The following TSPAN18 variants were observed in gnomAD, a reference collection of about 807,000 sequenced individuals.
The protein encoded by TSPAN18 is tetraspanin-18.
In TSPAN18, 14 loss-of-function variants were observed where a neutral mutation model predicts 27.3. The ratio of observed to expected loss-of-function variants is 0.51; its 90% CI spans 0.34 to 0.80. The LOEUF is 0.80. Ranked by LOEUF, TSPAN18 falls within the 30% of genes least tolerant of loss-of-function variation. The pLI is 0.01. For synonymous variants in TSPAN18, 143 were observed against 136.5 expected (o/e 1.05, Z -0.33); for missense variants, 268 against 323.9 (o/e 0.83, Z 1.32).
intron 3 of TSPAN18, among the ~76,000 whole-genome samples, chr11:44,893,270 C>A (rs1262338119): frequency 6.6e-6 from 1 of 152,188 alleles, no homozygotes; most frequent in Non-Finnish European, 1.5e-5. Flanking sequence ...TTCACAGCTC[C>A]ATGAGCCGGC....
upstream of TSPAN18, chr11:44,726,910 A>AGGGGGAGGGAGGGCGGGGGC (rs1294765719): frequency 3.2e-4 from 5 of 15,840 alleles, no homozygotes; most frequent in South Asian, 1.9e-3. Context: ...AGGGCGGGGG[A>AGGGGGAGGGAGGGCGGGGGC]GGGGAGGGAC....
intron 2 of TSPAN18, among the ~76,000 whole-genome samples, chr11:44,853,313 G>A (rs1360839279): frequency 6.6e-6 from 1 of 152,132 alleles, no homozygotes; most frequent in Admixed American, 6.5e-5. Flanking sequence ...GGAGAAGGGA[G>A]GGGCCTCATT....
intron 2 of TSPAN18, among the ~76,000 whole-genome samples, chr11:44,854,194 A>AGGG (rs1565178290): frequency 3.7e-3 from 8 of 2,152 alleles, no homozygotes; most frequent in African/African-American, 7.4e-3. Flanking sequence ...TCATTGGGGC[A>AGGG]GGGGGTGGGG....
intron 1 of TSPAN18, among the ~76,000 whole-genome samples, chr11:44,748,789 G>A (rs193020812): frequency 6.6e-6 from 1 of 152,258 alleles, no homozygotes; most frequent in East Asian, 1.9e-4. Context: ...GAGGGGCGGC[G>A]GAAATCAAGA....
At chr11:44,870,752 C>T (rs1184991752) in intron 3 of TSPAN18, among the ~76,000 whole-genome samples, 2 of 152,170 alleles carry the variant, frequency 1.3e-5, no homozygotes, top group African/African-American at 2.4e-5. Context: ...TTAAACCCCA[C>T]GTCTTTTTTA....
intron 3 of TSPAN18, among the ~76,000 whole-genome samples, chr11:44,889,575 G>A (rs76489523): frequency 0.014 from 2,121 of 152,334 alleles, 46 homozygotes; most frequent in African/African-American, 0.048. Flanking sequence ...AGAGGAGGGG[G>A]CAGAGGCCAA....
At chr11:44,838,399 C>T (rs141781320) in intron 2 of TSPAN18, among the ~76,000 whole-genome samples, 6 of 152,158 alleles carry the variant, frequency 3.9e-5, no homozygotes, top group South Asian at 2.1e-4. Context: ...ATCTCCCACC[C>T]GGTTCCTCCC....
intron 2 of TSPAN18, among the ~76,000 whole-genome samples, chr11:44,780,126 C>T (rs1254300055): frequency 6.6e-6 from 1 of 152,102 alleles, no homozygotes; most frequent in Admixed American, 6.5e-5. Flanking sequence ...CCCACCCACA[C>T]ATCCTTCCCT....
intron 2 of TSPAN18, among the ~76,000 whole-genome samples, chr11:44,778,450 G>T (rs1855864373): frequency 6.6e-6 from 1 of 152,132 alleles, no homozygotes; most frequent in Non-Finnish European, 1.5e-5. Flanking sequence ...AGCTAGGCAG[G>T]CACTATCTAT....
intron 3 of TSPAN18, among the ~76,000 whole-genome samples, chr11:44,869,766 T>G (rs1457054590): frequency 6.6e-6 from 1 of 152,198 alleles, no homozygotes; most frequent in African/African-American, 2.4e-5. Context: ...GCTCAGTCTC[T>G]CTGGAGGCCT....
At chr11:44,914,258 G>C (rs1859825721) in intron 5 of TSPAN18, among the ~76,000 whole-genome samples, 1 of 152,236 alleles carries the variant, frequency 6.6e-6, no homozygotes, top group Non-Finnish European at 1.5e-5. Flanking sequence ...CCAAGGAACA[G>C]AGAGGAGGTG....
chr11:44,816,151 C>T (rs76521686), intron 2 of TSPAN18, among the ~76,000 whole-genome samples: 2,711 of 92,086 alleles, frequency 0.029, 34 homozygotes, highest in South Asian at 0.043. Context: ...TTATTGTTAG[C>T]GCCAATGTAG....
chr11:44,849,468 C>T (rs1590574822), intron 2 of TSPAN18, among the ~76,000 whole-genome samples: 1 of 152,160 alleles, frequency 6.6e-6, no homozygotes, highest in Non-Finnish European at 1.5e-5. Context: ...CAGACATTGC[C>T]CCCAACAGAG....
At chr11:44,815,802 A>C (rs1856808046) in intron 2 of TSPAN18, among the ~76,000 whole-genome samples, 1 of 152,132 alleles carries the variant, frequency 6.6e-6, no homozygotes, top group African/African-American at 2.4e-5. Context: ...GTTGAGAGCA[A>C]GCTTGACAGC....
At chr11:44,780,532 C>G (rs1855914197) in intron 2 of TSPAN18, among the ~76,000 whole-genome samples, 1 of 152,262 alleles carries the variant, frequency 6.6e-6, no homozygotes, top group South Asian at 2.1e-4. Flanking sequence ...AAAATATGGC[C>G]TTTGCCCTGA....
intron 2 of TSPAN18, among the ~76,000 whole-genome samples, chr11:44,801,754 G>A (rs529359899): frequency 2.1e-4 from 32 of 152,272 alleles, no homozygotes; most frequent in African/African-American, 6.0e-4. Context: ...TCTAGCTGCC[G>A]GCTTTAGTGG....
intron 5 of TSPAN18, among the ~76,000 whole-genome samples, chr11:44,911,107 C>A (rs1859695114): frequency 1.3e-5 from 2 of 152,224 alleles, no homozygotes; most frequent in South Asian, 2.1e-4. Flanking sequence ...TGGAGAACTT[C>A]TGGGCTGAGC....
intron 2 of TSPAN18, among the ~76,000 whole-genome samples, chr11:44,770,283 G>T (rs73450620): frequency 2.0e-5 from 3 of 152,162 alleles, no homozygotes; most frequent in Non-Finnish European, 4.4e-5. Context: ...GACTCGGGTG[G>T]TGGGTTGGGG....
chr11:44,930,541 T>C lies in TSPAN18; in HGVS notation c.*1363T>C, dbSNP rs1216927734. The C allele has an allele frequency of 3.7e-6, 1 of 272,816 alleles. No individual in the cohort carries two copies. The highest frequency in any genetic ancestry group is 7.3e-6 in the Non-Finnish European group (1 of 137,274). The allele number at this position is 272,816 out of a possible 1,614,324, so 16.9% of individuals were successfully genotyped here. ...AACAAGGTTTCCTGTCTCTTCACTG[T>C]CCGCACATTTCTTAGTATTCCCTCC... On this transcript the variant is annotated 3_prime_UTR_variant, in exon 10 of 10. Coordinates refer to ENST00000520358, the MANE Select transcript of TSPAN18 (RefSeq NM_130783.5).
Sources: gnomAD v4.1 joint callset for allele counts (sites outside exome capture counted in the v4.1 genomes callset) on GRCh38, gnomAD v4.1.1 for gene constraint, MANE v1.5 for transcripts, NCBI Gene and HGNC (gene_info 2026-07-23, HGNC 2026-07-21) for gene names.